CCNF: variants seen among roughly 807,000 people sequenced by gnomAD.
CCNF encodes cyclin-F.
A neutral mutation model predicts 85.4 loss-of-function variants in CCNF; 30 were observed. That is an observed-to-expected ratio of 0.35 (90% CI 0.26 to 0.48). CCNF has a LOEUF of 0.48. Among genes scored for constraint, CCNF ranks in the 20% least tolerant of loss-of-function variants. CCNF has a pLI of 0.99. For missense variants in CCNF, 919 were observed against 1,010.4 expected (o/e 0.91, Z 1.23); for synonymous variants, 439 against 425.1 (o/e 1.03, Z -0.40).
At chr16:2,450,314 C>T (rs1205124562) in intron 13 of CCNF, among the ~76,000 whole-genome samples, 4 of 116,506 alleles carry the variant, frequency 3.4e-5, no homozygotes, top group African/African-American at 1.4e-4. Context: ...ACCTGGTCAA[C>T]GTGGCAAAAC....
At position 2,452,947 on chromosome 16, in the gene CCNF, A is replaced by G; in HGVS notation, c.1488-263A>G. 1 of 522,572 alleles carries G rather than the reference A, an allele frequency of 1.9e-6. No homozygotes were observed. The highest frequency in any genetic ancestry group is 2.3e-5 in the South Asian group (1 of 43,796). The allele number at this position is 522,572 out of a possible 1,614,324, so 32.4% of individuals were successfully genotyped here. A position where few individuals can be genotyped will look rare whatever the true frequency, so the allele number is the denominator to read the frequency against. On this transcript the variant is annotated intron_variant, in intron 13 of 16. Coordinates refer to ENST00000397066, the MANE Select transcript of CCNF (RefSeq NM_001761.3). The surrounding 1 kb of genome is among the most constrained non-coding windows in gnomAD (Gnocchi z 4.1). ...TTTATCCATCCCGCAGCTGGTGGAC[A>G]TTTTGCCTATTGTGAACAGTCCTGC...
At chr16:2,442,922 AAT>A (rs1417620367) in intron 8 of CCNF, among the ~76,000 whole-genome samples, 3 of 54,910 alleles carry the variant, frequency 5.5e-5, no homozygotes, top group Non-Finnish European at 8.4e-5. Context: ...AATATATATT[AAT>A]ATATATGATT....
intron 6 of CCNF, 76 bp from the exon 7 acceptor site, chr16:2,439,277 G>T: frequency 7.8e-7 from 1 of 1,285,784 alleles, no homozygotes. Flanking sequence ...CAACCTGGGC[G>T]ACGAGTGAAA....
intron 8 of CCNF, 101 bp downstream of exon 8, chr16:2,439,927 G>C: frequency 2.0e-6 from 2 of 1,006,092 alleles, no homozygotes. Context: ...GGACTATCTG[G>C]GCTCCCACAT....
chr16:2,439,908 T>C (rs1368951436), intron 8 of CCNF, 82 bp downstream of exon 8: 1 of 1,213,112 alleles, frequency 8.2e-7, no homozygotes, highest in African/African-American at 1.5e-5. Flanking sequence ...GCTCCCACAT[T>C]GGGGGGCAGG....
intron 6 of CCNF, among the ~76,000 whole-genome samples, chr16:2,438,572 G>T (rs2065304135): frequency 6.6e-6 from 1 of 151,284 alleles, no homozygotes; most frequent in Non-Finnish European, 1.5e-5. Flanking sequence ...AACCTGGGAA[G>T]CGGAGGTTGC....
At chr16:2,446,379 C>T (rs2065362549) in intron 10 of CCNF, among the ~76,000 whole-genome samples, 1 of 152,248 alleles carries the variant, frequency 6.6e-6, no homozygotes, top group South Asian at 2.1e-4. Context: ...TCGTCCCCCA[C>T]TGGTGCCCTG....
Position 2,439,778 on chromosome 16 carries a change from C to T in CCNF, c.729C>T (p.Ser243=), listed in dbSNP as rs570078752. Residue 243 remains serine (S), a synonymous_variant, in exon 8 of 17, where the codon AGC becomes AGT. Coordinates refer to ENST00000397066, the MANE Select transcript of CCNF (RefSeq NM_001761.3). The part of the protein sequence containing the change: ...DVSDPGRCLH[S]FRKLRDYAAK... The stretch of plus-strand genomic sequence containing the variant: ...CAGATCCTGGGCGATGCCTCCACAG[C>T]TTCCGAAAACTCAGGGACTACGCTG... The T allele has an allele frequency of 6.2e-7, 1 of 1,614,190 alleles. No individual in the cohort carries two copies. The highest frequency in any genetic ancestry group is 1.3e-5 in the African/African-American group (1 of 75,062).
In CCNF at chr16:2,437,142, T is replaced by C. The variant is rs1382689012; in HGVS notation, c.360T>C (p.Asp120=). 3.8e-6 allele frequency: 6 copies of C among 1,595,964 alleles called. No homozygotes were observed. The highest frequency in any genetic ancestry group is 5.1e-6 in the Non-Finnish European group (6 of 1,166,930). ...YLYNEGLSVS[D]EARAEVNGLK... Reference sequence around the variant, plus strand: ...CTGTCCCCGCAGTGTCTGTGTCTGATGAGGCCCGCGCAGAAGTGAATGGCC... The same window carrying C: ...CTGTCCCCGCAGTGTCTGTGTCTGACGAGGCCCGCGCAGAAGTGAATGGCC... The change falls in exon 5 of 17, where the codon GAT becomes GAC. Residue 120 remains aspartate, a synonymous_variant. Coordinates refer to ENST00000397066, the MANE Select transcript of CCNF (RefSeq NM_001761.3).
chr16:2,455,568 AGT>A lies in CCNF; in HGVS notation c.1885+8_1885+9del, dbSNP rs771586274. 3.1e-6 allele frequency: 5 copies of A among 1,589,880 alleles called. No individual in the cohort carries two copies. The East Asian group carries it at 1.1e-4, about 36-fold the overall frequency. ...GAGGGCGAGAAGGAGGGCGACGGTG[AGT>A]GTGGGGCCAGGGTGCACCAGAAGGG... On this transcript the variant is annotated splice_donor_5th_base_variant and intron_variant, in intron 16 of 16. Coordinates refer to ENST00000397066, the MANE Select transcript of CCNF (RefSeq NM_001761.3).
chr16:2,447,801 C>T (rs748099932), intron 10 of CCNF, among the ~76,000 whole-genome samples: 78 of 152,122 alleles, frequency 5.1e-4, no homozygotes, highest in Non-Finnish European at 1.0e-3. Context: ...CCTCTGCTCT[C>T]AGAGGTGCCC....
rs2065383182 is a variant in CCNF, at chr16:2,449,745, C to T, written c.1400-83C>T. 12 of 926,824 alleles carry T rather than the reference C, an allele frequency of 1.3e-5. 1 individual carries two copies. The highest frequency in any genetic ancestry group is 1.2e-4 in the South Asian group (9 of 75,856). The allele number at this position is 926,824 out of a possible 1,614,324, so 57.4% of individuals were successfully genotyped here. On this transcript the variant is annotated intron_variant, in intron 12 of 16. Coordinates refer to ENST00000397066, the MANE Select transcript of CCNF (RefSeq NM_001761.3). ...GAGCTATAGAGCGGGAGTGTTCAGGCGGCTGTCACCACAGCCCCTCCGTCC... is the reference window on the plus strand; with the variant it reads ...GAGCTATAGAGCGGGAGTGTTCAGGTGGCTGTCACCACAGCCCCTCCGTCC...
Position 2,453,683 on chromosome 16 carries a change from C to A in CCNF, c.1715+146C>A, listed in dbSNP as rs796077740. ...CAGGACAGTGACCCTGGGACGGAGCCCTGCAGTCATGCCTCGGGCCCCTGC... is the reference window on the plus strand; with the variant it reads ...CAGGACAGTGACCCTGGGACGGAGCACTGCAGTCATGCCTCGGGCCCCTGC... On this transcript the variant is annotated intron_variant, in intron 15 of 16. Coordinates refer to ENST00000397066, the MANE Select transcript of CCNF (RefSeq NM_001761.3). This position sits in a 1 kb window ranked among gnomAD's most constrained non-coding sequence, Gnocchi z 5.6. The A allele has an allele frequency of 1.9e-6, 2 of 1,073,040 alleles. No individual in the cohort carries two copies. The highest frequency in any genetic ancestry group is 1.6e-5 in the African/African-American group (1 of 63,650). 66.5% of individuals were successfully genotyped at this position (1,073,040 alleles called of 1,614,324 possible).
At chr16:2,435,709 T>C in intron 3 of CCNF, 97 bp from the exon 4 acceptor site, 1 of 576,622 alleles carries the variant, frequency 1.7e-6, no homozygotes, top group Non-Finnish European at 3.2e-6. Flanking sequence ...ATATATTCAA[T>C]TCAGGGAACA....
chr16:2,431,609 G>A (rs1001200093), intron 2 of CCNF, among the ~76,000 whole-genome samples: 3 of 147,864 alleles, frequency 2.0e-5, no homozygotes, highest in South Asian at 2.2e-4. Flanking sequence ...GAACCTGGGA[G>A]GCAGAGCTTG....
intron 11 of CCNF, 60 bp from the exon 12 acceptor site, chr16:2,449,222 C>A (rs530559226): frequency 6.4e-7 from 1 of 1,569,820 alleles, no homozygotes; most frequent in East Asian, 2.2e-5. Context: ...GGCCTGCATG[C>A]GGCACTGCAC....
At chr16:2,437,867 C>G (rs913775954) in intron 5 of CCNF, 14 of 542,612 alleles carry the variant, frequency 2.6e-5, no homozygotes, top group Admixed American at 1.2e-4. Context: ...CCAATGCACT[C>G]CAGCCTGGGT....
At chr16:2,433,118 T>G in intron 3 of CCNF, 51 bp downstream of exon 3, 1 of 1,167,918 alleles carries the variant, frequency 8.6e-7, no homozygotes, top group Admixed American at 1.9e-5. Flanking sequence ...TTGGCCTCCC[T>G]ATGTGCCAGT....
intron 3 of CCNF, among the ~76,000 whole-genome samples, chr16:2,435,539 C>A (rs1176065009): frequency 1.4e-5 from 2 of 146,946 alleles, no homozygotes; most frequent in Non-Finnish European, 3.0e-5. Flanking sequence ...GAGCTGTGAT[C>A]GCACCACTGC....
Sources: allele counts gnomAD v4.1 joint callset (sites outside exome capture counted in the v4.1 genomes callset), GRCh38; gene constraint gnomAD v4.1.1; non-coding constraint Gnocchi (gnomAD v3.1); transcripts MANE v1.5; gene names NCBI Gene and HGNC (gene_info 2026-07-23, HGNC 2026-07-21).